The following PMM2 variants were observed in gnomAD, a reference collection of about 807,000 sequenced individuals.
The protein encoded by PMM2 is phosphomannomutase 2.
A neutral mutation model predicts 33.2 loss-of-function variants in PMM2; 35 were observed. The ratio of observed to expected loss-of-function variants is 1.06; its 90% confidence interval spans 0.81 to 1.40. The LOEUF is 1.40. Among genes scored for constraint, PMM2 ranks in the 40% most tolerant of loss-of-function variants. The pLI is 0.00. For synonymous variants in PMM2, 153 were observed against 114.7 expected, an observed-to-expected ratio of 1.33 and a Z score of -2.13; for missense variants, 386 against 306.0, an observed-to-expected ratio of 1.26 and a Z score of -1.95.
chr16:8,798,431 C>T (rs954770389), intron 1 of PMM2, among the ~76,000 whole-genome samples: 1 of 152,172 alleles, frequency 6.6e-6, no homozygotes, highest in Non-Finnish European at 1.5e-5. Flanking sequence ...CTCTCTGAGC[C>T]TCAACATCTA....
At chr16:8,807,099 C>G (rs528732089) in intron 4 of PMM2, 1 of 152,190 alleles carries the variant, frequency 6.6e-6, no homozygotes, top group East Asian at 2.0e-4. Context: ...CAGGTTCAAG[C>G]AATTCTTCTG....
chr16:8,806,651 T>C lies in PMM2; in HGVS notation c.347+244T>C. 6 of 555,216 alleles carry C rather than the reference T, an allele frequency of 1.1e-5. 1 individual carries two copies. The highest frequency in any genetic ancestry group is 1.9e-5 in the Non-Finnish European group (6 of 310,162). The allele number at this position is 555,216 out of a possible 1,614,324, so 34.4% of individuals were successfully genotyped here. A position where few individuals can be genotyped will look rare whatever the true frequency, so the allele number is the denominator to read the frequency against. ...TCACAGCAGGGTTCAGTAGCCACCA[T>C]GGGCCAGCGAATTTAAATCCGAATC... is the stretch of plus-strand genomic sequence containing the variant. On this transcript the variant is annotated intron_variant, in intron 4 of 7. Coordinates refer to ENST00000268261, the MANE Select transcript of PMM2 (RefSeq NM_000303.3).
intron 7 of PMM2, among the ~76,000 whole-genome samples, chr16:8,827,719 C>CATATATATATAT (rs60052078): frequency 1.3e-4 from 9 of 66,874 alleles, no homozygotes; most frequent in Admixed American, 4.4e-4. Context: ...TAAATGTGTG[C>CATATATATATAT]ATATATATAT....
intron 7 of PMM2, among the ~76,000 whole-genome samples, chr16:8,831,763 C>G (rs1302843875): frequency 6.6e-6 from 1 of 152,210 alleles, no homozygotes; most frequent in African/African-American, 2.4e-5. Context: ...CCCCTGGCAT[C>G]TGAACATGGC....
intron 7 of PMM2, among the ~76,000 whole-genome samples, chr16:8,836,714 T>C (rs1181010186): frequency 2.0e-5 from 3 of 151,988 alleles, no homozygotes; most frequent in Non-Finnish European, 4.4e-5. Flanking sequence ...GATTGGGTAA[T>C]AAAATGTATA....
intron 5 of PMM2, 21 bp from the exon 6 acceptor site, chr16:8,811,617 G>A (rs1226255031): frequency 6.7e-7 from 1 of 1,487,546 alleles, no homozygotes; most frequent in Non-Finnish European, 9.4e-7. Flanking sequence ...GAAACAATTG[G>A]TATCTTTTTG....
chr16:8,805,562 A>G (rs1472410271), intron 3 of PMM2, among the ~76,000 whole-genome samples: 1 of 151,858 alleles, frequency 6.6e-6, no homozygotes, highest in Non-Finnish European at 1.5e-5. Flanking sequence ...TGATAAAACT[A>G]GAGCAGACTG....
At chr16:8,801,402 G>A (rs1278845793) in intron 1 of PMM2, among the ~76,000 whole-genome samples, 3 of 152,160 alleles carry the variant, frequency 2.0e-5, no homozygotes, top group Non-Finnish European at 4.4e-5. Context: ...TTATAGACCT[G>A]GCTTATACCT....
intron 7 of PMM2, among the ~76,000 whole-genome samples, chr16:8,818,363 C>T (rs1347981158): frequency 1.3e-5 from 2 of 152,188 alleles, no homozygotes; most frequent in Non-Finnish European, 2.9e-5. Context: ...TGATCCTTTT[C>T]GTCAGCGGTT....
chr16:8,833,132 C>G (rs1056933532), intron 7 of PMM2, among the ~76,000 whole-genome samples: 1 of 152,098 alleles, frequency 6.6e-6, no homozygotes, highest in African/African-American at 2.4e-5. Context: ...GGGCTGAGTC[C>G]CAAAAGAGAG....
chr16:8,808,965 G>A (rs896169157), intron 4 of PMM2: 1 of 152,218 alleles, frequency 6.6e-6, no homozygotes, highest in Non-Finnish European at 1.5e-5. Context: ...GGATCCAGAC[G>A]ATTGAGATTT....
At chr16:8,811,765 T>C in intron 6 of PMM2, 52 bp downstream of exon 6, 1 of 1,227,702 alleles carries the variant, frequency 8.1e-7, no homozygotes, top group Non-Finnish European at 1.2e-6. Context: ...TTCCCAGAGT[T>C]TGTTGTGGGC....
At chr16:8,822,399 T>A (rs1455347757) in intron 7 of PMM2, among the ~76,000 whole-genome samples, 1 of 152,196 alleles carries the variant, frequency 6.6e-6, no homozygotes. Flanking sequence ...AATTTGTTAG[T>A]CCTACAAAGG....
At chr16:8,800,249 T>C (rs890720369) in intron 1 of PMM2, among the ~76,000 whole-genome samples, 2 of 151,546 alleles carry the variant, frequency 1.3e-5, no homozygotes, top group African/African-American at 4.9e-5. Context: ...TAATCCTGGC[T>C]ACCTGGGAGG....
Position 8,811,660 on chromosome 16 carries a change from T to C in PMM2, c.470T>C (p.Phe157Ser), listed in dbSNP as rs190521996. 5.7e-4 allele frequency: 924 copies of C among 1,612,830 alleles called. No homozygotes were observed. Among genetic ancestry groups the C allele is most frequent in the Non-Finnish European group, 7.4e-4 (869 of 1,178,778 alleles). The change falls in exon 6 of 8, where the codon TTT becomes TCT. Residue 157 changes from phenylalanine to serine, a missense_variant. Phe to Ser is a radical substitution (Grantham distance 155). Coordinates refer to ENST00000268261, the MANE Select transcript of PMM2 (RefSeq NM_000303.3). ...LDKKENIRQKFVADLRKEFAG... is the reference protein window; with the variant it reads ...LDKKENIRQKSVADLRKEFAG... Reference sequence around the variant, plus strand: ...CAGAAAGAAAATATAAGACAAAAGTTTGTAGCAGATCTACGGAAAGAGTTT... The same window carrying C: ...CAGAAAGAAAATATAAGACAAAAGTCTGTAGCAGATCTACGGAAAGAGTTT...
rs372181885 is a variant in PMM2 at position 8,847,711 on chromosome 16, C to G, written c.640-13C>G. 2.2e-5 allele frequency: 35 copies of G among 1,596,074 alleles called. No individual in the cohort carries two copies. The highest frequency in any genetic ancestry group is 3.0e-5 in the Non-Finnish European group (35 of 1,163,676). On this transcript the variant is annotated splice_polypyrimidine_tract_variant and intron_variant, in intron 7 of 7. Coordinates refer to ENST00000268261, the MANE Select transcript of PMM2 (RefSeq NM_000303.3). ...CGAGGGGGAGCCTTCATCTGTACTT[C>G]GTGTCTTTCCAGGGTGGCAATGACC...
intron 7 of PMM2, among the ~76,000 whole-genome samples, chr16:8,836,384 T>G (rs1019540546): frequency 1.3e-5 from 2 of 151,966 alleles, no homozygotes; most frequent in African/African-American, 4.8e-5. Flanking sequence ...AGTCTGATTT[T>G]CATGGGGTCC....
At position 8,848,078 on chromosome 16, in the gene PMM2, CT is replaced by C. The variant is rs1315378800; in HGVS notation, c.*254del. ...GTCTTCCCCACCCACCCCCAGCCCC[CT>C]AGTCTAATACCCACCCTGATACGTG... On this transcript the variant is annotated 3_prime_UTR_variant, in exon 8 of 8. Coordinates refer to ENST00000268261, the MANE Select transcript of PMM2 (RefSeq NM_000303.3). The C allele has an allele frequency of 2.0e-6, 1 of 508,280 alleles. No individual in the cohort carries two copies. The highest frequency in any genetic ancestry group is 3.6e-6 in the Non-Finnish European group (1 of 277,922). 31.5% of individuals were successfully genotyped at this position (508,280 alleles called of 1,614,324 possible).
intron 7 of PMM2, among the ~76,000 whole-genome samples, chr16:8,847,266 C>T (rs2060932478): frequency 6.6e-6 from 1 of 152,060 alleles, no homozygotes; most frequent in African/African-American, 2.4e-5. Flanking sequence ...GCTGCCATCA[C>T]CGCTGATGTC....
Sources: allele counts gnomAD v4.1 joint callset (sites outside exome capture counted in the v4.1 genomes callset), GRCh38; gene constraint gnomAD v4.1.1; transcripts MANE v1.5; gene names NCBI Gene and HGNC (gene_info 2026-07-23, HGNC 2026-07-21).